Variants in GRXCR1 observed in about 807,000 individuals in gnomAD.
The protein encoded by GRXCR1 is glutaredoxin and cysteine rich domain containing 1, also known as glutaredoxin domain-containing cysteine-rich protein 1.
In GRXCR1, 27 loss-of-function variants were observed where a neutral mutation model predicts 27.3. The observed-to-expected ratio is 0.99, with a 90% confidence interval of 0.73 to 1.37. The LOEUF (loss-of-function observed/expected upper bound fraction) is 1.37, where lower values mean the gene tolerates loss of function less well. Among genes scored for constraint, GRXCR1 ranks in the 40% most tolerant of loss-of-function variants. The pLI, the probability that GRXCR1 is intolerant of heterozygous loss-of-function variation, is 0.00. For missense variants in GRXCR1, 379 were observed against 354.4 expected (o/e 1.07, Z -0.56); for synonymous variants, 122 against 131.1 (o/e 0.93, Z 0.47).
intron 2 of GRXCR1, among the ~76,000 whole-genome samples, chr4:42,990,170 G>GTTT (rs1243636449): frequency 3.2e-5 from 2 of 63,450 alleles, no homozygotes; most frequent in Non-Finnish European, 6.3e-5. Context: ...TGAATTATTA[G>GTTT]TTCTTTTTTT....
intron 1 of GRXCR1, among the ~76,000 whole-genome samples, chr4:42,925,349 T>A (rs1747135164): frequency 6.6e-6 from 1 of 152,088 alleles, no homozygotes. Context: ...ATTTCATGTT[T>A]GTATTACTCA....
chr4:42,989,410 C>T (rs957772999), intron 2 of GRXCR1, among the ~76,000 whole-genome samples: 4 of 152,130 alleles, frequency 2.6e-5, no homozygotes, highest in Non-Finnish European at 5.9e-5. Context: ...TCCTTAAAAG[C>T]CCTATCTTCA....
intron 2 of GRXCR1, among the ~76,000 whole-genome samples, chr4:42,990,213 A>G (rs1426832634): frequency 2.2e-4 from 10 of 46,160 alleles, no homozygotes; most frequent in Non-Finnish European, 1.5e-4. Flanking sequence ...TTTTTTTGAG[A>G]CGGAGTCTCG....
At chr4:42,970,046 G>C (rs1465394952) in intron 2 of GRXCR1, among the ~76,000 whole-genome samples, 1 of 152,128 alleles carries the variant, frequency 6.6e-6, no homozygotes, top group Non-Finnish European at 1.5e-5. Flanking sequence ...AAACCCAGCA[G>C]GGCAGTTGTT....
chr4:42,928,855 T>G (rs1366611422), intron 1 of GRXCR1, among the ~76,000 whole-genome samples: 1 of 151,964 alleles, frequency 6.6e-6, no homozygotes, highest in Non-Finnish European at 1.5e-5. Flanking sequence ...ATAGGATGTG[T>G]GTCTCTGGAT....
intron 2 of GRXCR1, among the ~76,000 whole-genome samples, chr4:42,969,032 T>C (rs1042505499): frequency 1.3e-5 from 2 of 152,144 alleles, no homozygotes; most frequent in Admixed American, 6.6e-5. Flanking sequence ...GTTATTTTCA[T>C]GTAGTCAATG....
At chr4:42,915,302 A>G (rs1037596437) in intron 1 of GRXCR1, among the ~76,000 whole-genome samples, 1 of 152,154 alleles carries the variant, frequency 6.6e-6, no homozygotes, top group South Asian at 2.1e-4. Context: ...CTGAAGTGGT[A>G]TGTGAGAGGC....
chr4:43,018,919 T>C (rs1182262827), intron 2 of GRXCR1, among the ~76,000 whole-genome samples: 1 of 152,190 alleles, frequency 6.6e-6, no homozygotes, highest in African/African-American at 2.4e-5. Context: ...TGAAGAGATA[T>C]AACTTGCCTC....
intron 2 of GRXCR1, among the ~76,000 whole-genome samples, chr4:42,997,484 C>T (rs753047272): frequency 3.4e-4 from 51 of 152,188 alleles, no homozygotes; most frequent in Non-Finnish European, 6.3e-4. Context: ...GAGGCTTTAA[C>T]ATCTGGGACC....
chr4:42,986,996 ATGTGTATGTG>A (rs1711746504), intron 2 of GRXCR1, among the ~76,000 whole-genome samples: 1 of 113,014 alleles, frequency 8.8e-6, no homozygotes, highest in African/African-American at 3.8e-5. Context: ...TTTAAGAGAT[ATGTGTATGTG>A]TGTGTGTGTG....
intron 1 of GRXCR1, among the ~76,000 whole-genome samples, chr4:42,957,700 A>G (rs191754826): frequency 1.4e-4 from 21 of 151,672 alleles, no homozygotes; most frequent in Non-Finnish European, 2.8e-4. Flanking sequence ...TGCTTGATCA[A>G]TGATGCTGAG....
chr4:43,011,618 T>A (rs562276757), intron 2 of GRXCR1, among the ~76,000 whole-genome samples: 1 of 152,194 alleles, frequency 6.6e-6, no homozygotes, highest in Non-Finnish European at 1.5e-5. Flanking sequence ...CAATTTTTAA[T>A]AAAATTCTTT....
intron 1 of GRXCR1, among the ~76,000 whole-genome samples, chr4:42,924,551 C>T (rs1360928187): frequency 6.6e-6 from 1 of 152,054 alleles, no homozygotes; most frequent in Non-Finnish European, 1.5e-5. Context: ...ATTTTCTAGT[C>T]ACAATTTCCT....
intron 1 of GRXCR1, among the ~76,000 whole-genome samples, chr4:42,958,246 G>A (rs914238940): frequency 2.6e-5 from 4 of 151,996 alleles, no homozygotes; most frequent in Admixed American, 1.3e-4. Context: ...AACAAGAAAT[G>A]AGGACTCCTA....
At chr4:42,976,006 T>C (rs1191800282) in intron 2 of GRXCR1, among the ~76,000 whole-genome samples, 3 of 152,260 alleles carry the variant, frequency 2.0e-5, no homozygotes, top group Non-Finnish European at 2.9e-5. Flanking sequence ...TAATGTATAT[T>C]CTGTCTTTAT....
intron 1 of GRXCR1, among the ~76,000 whole-genome samples, chr4:42,899,514 C>T (rs1360711103): frequency 6.6e-6 from 1 of 152,100 alleles, no homozygotes; most frequent in Non-Finnish European, 1.5e-5. Flanking sequence ...CAGGCCAATG[C>T]TTATATTTTT....
intron 1 of GRXCR1, among the ~76,000 whole-genome samples, chr4:42,927,245 G>T (rs192448152): frequency 6.6e-6 from 1 of 151,916 alleles, no homozygotes; most frequent in Non-Finnish European, 1.5e-5. Context: ...CTGAGGCTGG[G>T]GTTGTCTTGC....
intron 2 of GRXCR1, among the ~76,000 whole-genome samples, chr4:42,995,624 G>T (rs1003883956): frequency 1.3e-5 from 2 of 152,144 alleles, no homozygotes; most frequent in African/African-American, 4.8e-5. Flanking sequence ...GCCACACGTG[G>T]TGCAAATCTT....
chr4:42,910,816 G>A lies in GRXCR1; in HGVS notation c.384+17166G>A, dbSNP rs372719686. On this transcript the variant is annotated intron_variant, in intron 1 of 3. Transcript: ENST00000399770. Reference sequence around the variant, plus strand: ...TAAACGTACTTTGCTATTTTATATTGTCTGATTCTTTTTGGAAGGGGAGTG... The same window carrying A: ...TAAACGTACTTTGCTATTTTATATTATCTGATTCTTTTTGGAAGGGGAGTG... 4.3e-4 allele frequency among the ~76,000 whole-genome samples: 65 copies of A among 152,038 alleles called. 2 individuals are homozygous for A. In the South Asian group the frequency reaches 9.8e-3, roughly 23 times the overall value.
Sources: allele counts gnomAD v4.1 joint callset (sites outside exome capture counted in the v4.1 genomes callset), GRCh38; gene constraint gnomAD v4.1.1; transcripts MANE v1.5; gene names NCBI Gene and HGNC (gene_info 2026-07-23, HGNC 2026-07-21).